The following GIMD1 variants were observed in gnomAD, a reference collection of about 807,000 sequenced individuals.
GIMD1 encodes GIMAP family P-loop NTPase domain containing 1, also known as GTPase IMAP family member GIMD1.
GIMD1 carries 14 observed loss-of-function variants against 14.9 expected under a neutral mutation model. The observed-to-expected ratio is 0.94, with a 90% CI of 0.62 to 1.47. The LOEUF is 1.47. GIMD1 is among the 40% of genes most tolerant of loss of function. The probability of loss-of-function intolerance (pLI) is 0.00; values close to 1 mark genes in which losing one functional copy is unlikely to be tolerated. For missense variants in GIMD1, 272 were observed against 255.3 expected, an observed-to-expected ratio of 1.07 and a Z score of -0.44; for synonymous variants, 91 against 90.5, an observed-to-expected ratio of 1.01 and a Z score of -0.03.
chr4:106,365,847 C>T (rs1485486452), intron 2 of GIMD1, among the ~76,000 whole-genome samples: 1 of 140,728 alleles, frequency 7.1e-6, no homozygotes, highest in African/African-American at 2.5e-5. Flanking sequence ...GCTGTGTGGA[C>T]TATTGTTAGT....
rs952322460 is a variant in GIMD1 at position 106,363,714 on chromosome 4, A to G, written c.393+3329T>C. Among the ~76,000 whole-genome samples, 14 of 152,182 alleles carry G rather than the reference A, an allele frequency of 9.2e-5. No homozygotes were observed. The East Asian group carries it at 2.3e-3, about 25-fold the overall frequency. ...AGGCTTGTTTTTTTAACTAAATTCT[A>G]ACAACTAAGCCCACAATCTTCATTT... is the stretch of plus-strand genomic sequence containing the variant. On this transcript the variant is annotated intron_variant, in intron 2 of 2. Coordinates refer to ENST00000638719, the MANE Select transcript of GIMD1 (RefSeq NM_001195138.2).
chr4:106,363,147 T>TA (rs1579657124), intron 2 of GIMD1, among the ~76,000 whole-genome samples: 1 of 152,110 alleles, frequency 6.6e-6, no homozygotes, highest in East Asian at 1.9e-4. Context: ...AGGATAAACC[T>TA]AAAAAACACT....
intron 2 of GIMD1, among the ~76,000 whole-genome samples, chr4:106,363,296 A>G (rs73839461): frequency 0.018 from 2,782 of 152,236 alleles, 81 homozygotes; most frequent in African/African-American, 0.061. Flanking sequence ...AAGTAACCCA[A>G]TGAAGCAGAC....
chr4:106,366,474 G>A (rs532886899), intron 2 of GIMD1, among the ~76,000 whole-genome samples: 6 of 152,238 alleles, frequency 3.9e-5, no homozygotes, highest in Admixed American at 3.9e-4. Flanking sequence ...GTCAGTGAAT[G>A]AGCACCCATT....
intron 2 of GIMD1, among the ~76,000 whole-genome samples, chr4:106,358,849 T>TTTTGTAGAAATGTG (rs57643358): frequency 0.39 from 59,410 of 151,640 alleles, 11,842 homozygotes; most frequent in South Asian, 0.47. Flanking sequence ...ATCTTTTACT[T>TTTTGTAGAAATGTG]TTATCATTAT....
At chr4:106,364,361 A>T (rs908757576) in intron 2 of GIMD1, among the ~76,000 whole-genome samples, 1 of 152,026 alleles carries the variant, frequency 6.6e-6, no homozygotes, top group Admixed American at 6.6e-5. Flanking sequence ...GATACTCCAT[A>T]CTCCATTTTG....
chr4:106,358,487 C>A, intron 2 of GIMD1, 44 bp from the exon 3 acceptor site: 1 of 1,418,984 alleles, frequency 7.0e-7, no homozygotes, highest in South Asian at 1.4e-5. Flanking sequence ...GAACTATATT[C>A]CTCAAAAATG....
At chr4:106,364,563 C>T (rs903084832) in intron 2 of GIMD1, among the ~76,000 whole-genome samples, 2 of 152,122 alleles carry the variant, frequency 1.3e-5, no homozygotes, top group Admixed American at 1.3e-4. Flanking sequence ...AAACAGCCAG[C>T]CTGTGCTTAA....
intron 2 of GIMD1, among the ~76,000 whole-genome samples, chr4:106,365,223 G>A (rs1238096371): frequency 6.6e-6 from 1 of 152,118 alleles, no homozygotes; most frequent in African/African-American, 2.4e-5. Flanking sequence ...GAGGAGGCTT[G>A]TGGGCTTTCT....
chr4:106,360,498 C>G (rs560205962), intron 2 of GIMD1, among the ~76,000 whole-genome samples: 1 of 151,962 alleles, frequency 6.6e-6, no homozygotes, highest in East Asian at 1.9e-4. Flanking sequence ...ATATTGTTAA[C>G]AGGTCTCTGC....
chr4:106,364,458 C>T (rs1397204729), intron 2 of GIMD1, among the ~76,000 whole-genome samples: 4 of 152,160 alleles, frequency 2.6e-5, no homozygotes, highest in Non-Finnish European at 5.9e-5. Flanking sequence ...AGCTGCTGGT[C>T]CTGTTGAATA....
In GIMD1 at chr4:106,367,269, T is replaced by G. The variant is rs1025096884; in HGVS notation, c.167A>C (p.His56Pro). ...CCSLGRSCHL[H>P]SFMRRGGLEV... The stretch of plus-strand genomic sequence containing the variant: ...TAGCCCACCTCGACGCATGAAGCTG[T>G]GGAGGTGACAACTGCGGCCCAGGCT... The change falls in exon 2 of 3, where the codon CAC (histidine) becomes CCC (proline). Residue 56 changes from histidine (H) to proline (P), a missense_variant. Physicochemically the swap from His to Pro is moderately conservative, Grantham distance 77. Transcript: ENST00000638719. The G allele has an allele frequency of 5.9e-6, 9 of 1,535,792 alleles. No individual in the cohort carries two copies. The Admixed American group carries it at 1.8e-4, about 30-fold the overall frequency.
chr4:106,366,053 C>T (rs6829433), intron 2 of GIMD1, among the ~76,000 whole-genome samples: 2,711 of 152,118 alleles, frequency 0.018, 79 homozygotes, highest in African/African-American at 0.061. Flanking sequence ...GTGAATAAGC[C>T]TCCAACTTAG....
Position 106,358,412 on chromosome 4 carries a change from G to C in GIMD1, c.425C>G (p.Thr142Arg). Residue 142 changes from threonine to arginine, a missense_variant, in exon 3 of 3, where the codon ACA becomes AGA. Thr to Arg is a moderately conservative substitution (Grantham distance 71). Transcript: ENST00000638719. ...TTCTGCATGGGTAAAAAGAATGGCTGTGTAATTCATCCAAGCATGTCCAAG... is the reference window on the plus strand; with the variant it reads ...TTCTGCATGGGTAAAAAGAATGGCTCTGTAATTCATCCAAGCATGTCCAAG... ...ELLGHAWMNY[T>R]AILFTHAEKI... 1 of 1,522,696 alleles carries C rather than the reference G, an allele frequency of 6.6e-7. No individual in the cohort carries two copies. Among genetic ancestry groups the C allele is most frequent in the Non-Finnish European group, 8.8e-7 (1 of 1,142,514 alleles). The allele number at this position is 1,522,696 out of a possible 1,614,324, so 94.3% of individuals were successfully genotyped here.
chr4:106,358,787 C>T (rs1259445276), intron 2 of GIMD1, among the ~76,000 whole-genome samples: 2 of 151,850 alleles, frequency 1.3e-5, no homozygotes, highest in African/African-American at 2.4e-5. Context: ...TACCTGAGTC[C>T]ATTAAAGCCA....
intron 2 of GIMD1, among the ~76,000 whole-genome samples, chr4:106,360,175 T>C (rs537635812): frequency 6.6e-6 from 1 of 152,082 alleles, no homozygotes; most frequent in South Asian, 2.1e-4. Context: ...ATCATGAATT[T>C]GCCTGTAGTC....
In GIMD1 at chr4:106,367,415, C is replaced by T; in HGVS notation, c.21G>A (p.Met7Ile). The change falls in exon 2 of 3, where the codon ATG (methionine) becomes ATA (isoleucine). Residue 7 changes from methionine (M) to isoleucine (I), a missense_variant. By Grantham distance (10) the Met-to-Ile change is conservative. Transcript: ENST00000638719. Reference protein sequence around the residue: MTDPNKMIINLALFGMT... With the variant: MTDPNKIIINLALFGMT... ...TGCCAAAGAGGGCCAAGTTGATGAT[C>T]ATCTTGTTGGGGTCTGTCATGGCTG... is the stretch of plus-strand genomic sequence containing the variant. The T allele has an allele frequency of 6.5e-7, 1 of 1,533,748 alleles. No individual in the cohort carries two copies. The highest frequency in any genetic ancestry group is 8.7e-7 in the Non-Finnish European group (1 of 1,145,380).
intron 2 of GIMD1, among the ~76,000 whole-genome samples, chr4:106,361,080 C>T (rs1056278519): frequency 1.3e-5 from 2 of 152,052 alleles, no homozygotes; most frequent in Non-Finnish European, 2.9e-5. Context: ...GCATCAGAAC[C>T]ATTAGGGCTG....
intron 2 of GIMD1, among the ~76,000 whole-genome samples, chr4:106,365,856 G>C (rs1016769933): frequency 2.4e-4 from 36 of 151,812 alleles, no homozygotes; most frequent in African/African-American, 8.7e-4. Flanking sequence ...ACTATTGTTA[G>C]TAATAGTCTA....
Sources: gnomAD v4.1 joint callset for allele counts (sites outside exome capture counted in the v4.1 genomes callset) on GRCh38, gnomAD v4.1.1 for gene constraint, MANE v1.5 for transcripts, NCBI Gene and HGNC (gene_info 2026-07-23, HGNC 2026-07-21) for gene names.